RAP1GAP2: variants seen among roughly 807,000 people sequenced by gnomAD.
RAP1GAP2 encodes the protein RAP1 GTPase activating protein 2.
RAP1GAP2 carries 27 observed loss-of-function variants against 95.0 expected under a neutral mutation model. The ratio of observed to expected loss-of-function variants is 0.28; its 90% CI spans 0.21 to 0.39. The LOEUF is 0.39. RAP1GAP2 is among the 10% of genes least tolerant of loss of function. RAP1GAP2 has a pLI of 1.00. For missense variants in RAP1GAP2, 771 were observed against 970.0 expected, an observed-to-expected ratio of 0.79 and a Z score of 2.72; for synonymous variants, 373 against 380.9, an observed-to-expected ratio of 0.98 and a Z score of 0.24.
At chr17:2,957,442 G>A (rs1430318311) in intron 3 of RAP1GAP2, among the ~76,000 whole-genome samples, 2 of 152,246 alleles carry the variant, frequency 1.3e-5, no homozygotes, top group African/African-American at 4.8e-5. Context: ...GAATGCCGAG[G>A]ACGATAGGCG....
rs576796495 is a variant in RAP1GAP2, at chr17:2,762,920, C to T, written c.50+7153C>T. On this transcript the variant is annotated intron_variant, in intron 1 of 25. Transcript: ENST00000637138. ...CGAACTCCCGGACTCAAGCAATCCT[C>T]CTACCTCAGCCTCTGAAAGTACTGG... Among the ~76,000 whole-genome samples, 17 of 152,148 alleles carry T rather than the reference C, an allele frequency of 1.1e-4. No homozygotes were observed. In the East Asian group the frequency reaches 2.5e-3, roughly 22 times the overall value.
chr17:2,976,730 G>A (rs2045136143), intron 8 of RAP1GAP2, among the ~76,000 whole-genome samples: 1 of 152,002 alleles, frequency 6.6e-6, no homozygotes, highest in Admixed American at 6.6e-5. Flanking sequence ...AAATAAAAAA[G>A]GATAGAGATG....
intron 23 of RAP1GAP2, 64 bp from the exon 24 acceptor site, chr17:3,032,347 C>T (rs374919651): frequency 8.3e-5 from 133 of 1,601,542 alleles, no homozygotes; most frequent in African/African-American, 2.5e-4. Flanking sequence ...TGCACAGAGC[C>T]GCCGTGGAAG....
At chr17:2,836,880 A>G (rs2071153398) in intron 2 of RAP1GAP2, among the ~76,000 whole-genome samples, 1 of 152,108 alleles carries the variant, frequency 6.6e-6, no homozygotes, top group Non-Finnish European at 1.5e-5. Context: ...ACCTGTAAAA[A>G]TTTGGTGTTC....
In RAP1GAP2 at chr17:2,963,101, C is replaced by T. The variant is rs2044412753; in HGVS notation, c.247-329C>T. ...GCTTATCACTTGGAGGTCAGTCCGC[C>T]TGCCTGGAAAGGGGTGCTGGGGGAG... is the stretch of plus-strand genomic sequence containing the variant. On this transcript the variant is annotated intron_variant, in intron 5 of 24. Transcript: ENST00000254695. This position sits in a 1 kb window ranked among gnomAD's most constrained non-coding sequence, Gnocchi z 4.8. 2 of 539,756 alleles carry T rather than the reference C, an allele frequency of 3.7e-6. No individual in the cohort carries two copies. The highest frequency in any genetic ancestry group is 4.5e-5 in the South Asian group (2 of 44,242). 33.4% of individuals were successfully genotyped at this position (539,756 alleles called of 1,614,324 possible).
At position 3,025,886 on chromosome 17, in the gene RAP1GAP2, G is replaced by A. The variant is rs568003004; in HGVS notation, c.1752-122G>A. 3.2e-5 allele frequency: 22 copies of A among 693,194 alleles called. No individual in the cohort carries two copies. In the African/African-American group the frequency reaches 3.8e-4, roughly 12 times the overall value. 42.9% of individuals were successfully genotyped at this position (693,194 alleles called of 1,614,324 possible). A position where few individuals can be genotyped will look rare whatever the true frequency, so the allele number is the denominator to read the frequency against. On this transcript the variant is annotated intron_variant, in intron 19 of 24. Coordinates refer to ENST00000254695, the MANE Select transcript of RAP1GAP2 (RefSeq NM_015085.5). Reference sequence around the variant, plus strand: ...AAAGGACATCCAGGCAGTGATGCCAGGCGGGGGCGCTCTGACCCCACTGCC... The same window carrying A: ...AAAGGACATCCAGGCAGTGATGCCAAGCGGGGGCGCTCTGACCCCACTGCC...
intron 2 of RAP1GAP2, among the ~76,000 whole-genome samples, chr17:2,845,176 T>A (rs935095743): frequency 1.3e-5 from 2 of 152,194 alleles, no homozygotes; most frequent in African/African-American, 4.8e-5. Flanking sequence ...GGAGTCTCAC[T>A]CTGTTGCTCA....
chr17:2,760,851 C>T (rs1410520394), intron 1 of RAP1GAP2, among the ~76,000 whole-genome samples: 3 of 152,158 alleles, frequency 2.0e-5, no homozygotes, highest in African/African-American at 4.8e-5. Context: ...GATTGCCACT[C>T]ACTCAGTTGG....
chr17:3,022,501 T>G (rs1028793433), intron 19 of RAP1GAP2, among the ~76,000 whole-genome samples: 1 of 152,266 alleles, frequency 6.6e-6, no homozygotes, highest in Non-Finnish European at 1.5e-5. Flanking sequence ...GAATGTTTTT[T>G]GATATACTTG....
At chr17:2,922,832 GTTTTT>G (rs1182641512) in intron 3 of RAP1GAP2, among the ~76,000 whole-genome samples, 1 of 75,050 alleles carries the variant, frequency 1.3e-5, no homozygotes, top group Non-Finnish European at 3.0e-5. Flanking sequence ...TTTTGTTTTT[GTTTTT>G]TTTTTTTTTT....
rs1257423649 is a variant in RAP1GAP2 at position 3,008,242 on chromosome 17, A to G, written c.1494+97A>G. ...CATGGGATACTGATCCCAGAGCCCA[A>G]GGGCCAGCTGGAGGGGTGACAGGAA... On this transcript the variant is annotated intron_variant, in intron 17 of 24. Transcript: ENST00000254695. This position sits in a 1 kb window ranked among gnomAD's most constrained non-coding sequence, Gnocchi z 4.2. The G allele has an allele frequency of 2.6e-6, 4 of 1,540,208 alleles. No individual in the cohort carries two copies. The highest frequency in any genetic ancestry group is 1.2e-5 in the South Asian group (1 of 82,396).
intron 3 of RAP1GAP2, among the ~76,000 whole-genome samples, chr17:2,927,662 C>T (rs751731638): frequency 1.3e-5 from 2 of 152,218 alleles, no homozygotes; most frequent in Non-Finnish European, 2.9e-5. Context: ...GGGACAAGGG[C>T]ACCTCTGGGT....
intron 2 of RAP1GAP2, among the ~76,000 whole-genome samples, chr17:2,845,041 C>T (rs1020215823): frequency 2.0e-4 from 30 of 152,200 alleles, no homozygotes; most frequent in Middle Eastern, 3.2e-3. Flanking sequence ...CATCTGGTCC[C>T]GGCCTGCACA....
intron 2 of RAP1GAP2, among the ~76,000 whole-genome samples, chr17:2,816,023 G>C (rs926542797): frequency 6.6e-6 from 1 of 150,768 alleles, no homozygotes; most frequent in Non-Finnish European, 1.5e-5. Flanking sequence ...GTTTTTATTT[G>C]ATTCACACTC....
chr17:2,780,392 T>C (rs1041149947), intron 1 of RAP1GAP2, among the ~76,000 whole-genome samples: 6 of 152,170 alleles, frequency 3.9e-5, no homozygotes, highest in Non-Finnish European at 7.4e-5. Flanking sequence ...CACCTGCCCC[T>C]CCCAGGCCAC....
chr17:2,837,513 C>A (rs562359717), intron 2 of RAP1GAP2, among the ~76,000 whole-genome samples: 1 of 152,074 alleles, frequency 6.6e-6, no homozygotes, highest in African/African-American at 2.4e-5. Context: ...GCCGAGTCAG[C>A]TCCTCGTTTC....
At chr17:2,757,174 A>G (rs1254895044) in intron 1 of RAP1GAP2, among the ~76,000 whole-genome samples, 3 of 152,192 alleles carry the variant, frequency 2.0e-5, no homozygotes, top group Admixed American at 6.5e-5. Flanking sequence ...GCTGGAGTGC[A>G]GTGGTGCAAT....
chr17:2,988,526 A>G (rs1250918002), intron 11 of RAP1GAP2, among the ~76,000 whole-genome samples: 2 of 152,204 alleles, frequency 1.3e-5, no homozygotes, highest in Admixed American at 6.5e-5. Flanking sequence ...GATTAATCCA[A>G]GTTCTTGGGT....
At chr17:2,889,947 C>A (rs1183930869) in intron 2 of RAP1GAP2, among the ~76,000 whole-genome samples, 1 of 136,750 alleles carries the variant, frequency 7.3e-6, no homozygotes, top group Non-Finnish European at 1.5e-5. Context: ...GGGTCTTGAA[C>A]TCCTGACCTC....
Sources: gnomAD v4.1 joint callset for allele counts (sites outside exome capture counted in the v4.1 genomes callset) on GRCh38, gnomAD v4.1.1 for gene constraint, Gnocchi (gnomAD v3.1) non-coding constraint, MANE v1.5 for transcripts, NCBI Gene and HGNC (gene_info 2026-07-23, HGNC 2026-07-21) for gene names.